BST1: variants seen among roughly 807,000 people sequenced by gnomAD.
BST1 encodes bone marrow stromal cell antigen 1.
A neutral mutation model predicts 40.6 loss-of-function variants in BST1; 49 were observed. That is an observed-to-expected ratio of 1.21 (90% CI 0.96 to 1.53). BST1 has a LOEUF of 1.53. BST1 is among the 40% of genes most tolerant of loss of function. BST1 has a pLI of 0.00. For synonymous variants in BST1, 157 were observed against 159.3 expected (o/e 0.99, Z 0.11); for missense variants, 423 against 395.9 (o/e 1.07, Z -0.58).
At chr4:15,758,354 C>T in the BST1 span, among the ~76,000 whole-genome samples, 1 of 152,166 alleles carries the variant, frequency 6.6e-6, no homozygotes, top group African/African-American at 2.4e-5. Context: ...TGTCCATGTG[C>T]ACTCAATATT....
chr4:15,721,918 T>C (rs1720830772), intron 7 of BST1, among the ~76,000 whole-genome samples: 1 of 152,190 alleles, frequency 6.6e-6, no homozygotes, highest in Admixed American at 6.5e-5. Flanking sequence ...TGTTCTTCCA[T>C]AGTCCCCTGC....
At chr4:15,761,460 G>T in the BST1 span, among the ~76,000 whole-genome samples, 1 of 151,924 alleles carries the variant, frequency 6.6e-6, no homozygotes, top group Admixed American at 6.5e-5. Context: ...TACAGGGAAC[G>T]TATTGAAGTG....
At position 15,705,175 on chromosome 4, in the gene BST1, TG is replaced by T. The variant is rs1265310445; in HGVS notation, c.189-338del. Among the ~76,000 whole-genome samples the T allele has an allele frequency of 3.3e-5, 5 of 152,028 alleles. No individual in the cohort carries two copies. In the East Asian group the frequency reaches 7.8e-4, roughly 24 times the overall value. On this transcript the variant is annotated intron_variant, in intron 1 of 8. Coordinates refer to ENST00000265016, the MANE Select transcript of BST1 (RefSeq NM_004334.3). ...CCACACTGGAACTGGACTATGAGAC[TG>T]GCCCCACCGTTAGGTCTAAATGAAG...
Position 15,731,977 on chromosome 4 carries a change from A to G in BST1, c.*132A>G. 3.6e-6 allele frequency: 5 copies of G among 1,398,316 alleles called. No homozygotes were observed. In the South Asian group the frequency reaches 6.9e-5, roughly 19 times the overall value. The allele number at this position is 1,398,316 out of a possible 1,614,324, so 86.6% of individuals were successfully genotyped here. A position where few individuals can be genotyped will look rare whatever the true frequency, so the allele number is the denominator to read the frequency against. On this transcript the variant is annotated 3_prime_UTR_variant, in exon 9 of 9. Coordinates refer to ENST00000265016, the MANE Select transcript of BST1 (RefSeq NM_004334.3). ...TTGCTGGGAAAACGATGTCCTGAAA[A>G]TGGTATTTCAATGAGGCATATGTTC... is the stretch of plus-strand genomic sequence containing the variant.
the BST1 span, chr4:15,743,428 C>A: frequency 3.9e-6 from 1 of 256,796 alleles, no homozygotes; most frequent in Non-Finnish European, 7.8e-6. Context: ...TTCTTCAATC[C>A]AAGGAGGCAG....
chr4:15,760,844 A>T, the BST1 span, among the ~76,000 whole-genome samples: 1 of 148,366 alleles, frequency 6.7e-6, no homozygotes, highest in African/African-American at 2.5e-5. Context: ...GTGCACCACC[A>T]CGCCTAGCTT....
At chr4:15,709,888 C>T (rs1377826842) in intron 3 of BST1, among the ~76,000 whole-genome samples, 2 of 152,080 alleles carry the variant, frequency 1.3e-5, no homozygotes, top group African/African-American at 4.8e-5. Context: ...TGTAAATAAA[C>T]ACAGAAAAAA....
chr4:15,703,990 ATGTG>A lies in BST1; in HGVS notation c.188+670_188+673del, dbSNP rs371372027. On this transcript the variant is annotated intron_variant, in intron 1 of 8. Coordinates refer to ENST00000265016, the MANE Select transcript of BST1 (RefSeq NM_004334.3). ...GGGGTGTGTGTGTTCTGGAGGTGAG[ATGTG>A]TGTGTGTGTGTTCTAGAGGTGAGGG... Among the ~76,000 whole-genome samples the A allele has an allele frequency of 7.5e-5, 5 of 67,064 alleles. No homozygotes were observed. In the South Asian group the frequency reaches 1.6e-3, roughly 21 times the overall value. The allele number at this position is 67,064 out of a possible 152,430, so 44.0% of individuals were successfully genotyped here. A position where few individuals can be genotyped will look rare whatever the true frequency, so the allele number is the denominator to read the frequency against.
rs762652052 is a variant in BST1 at position 15,731,812 on chromosome 4, C to T, written c.924C>T (p.Leu308=). ...AAAGGGCGGGTCTTATCATTCCCCT[C>T]TTTCTGGTGCTGGCTTCCAGGACTC... ...TEQRAGLIIP[L]FLVLASRTQL is the part of the protein sequence containing the mutation. Residue 308 remains leucine (L), a synonymous_variant, in exon 9 of 9, where the codon CTC becomes CTT. Coordinates refer to ENST00000265016, the MANE Select transcript of BST1 (RefSeq NM_004334.3). 19 of 1,613,728 alleles carry T rather than the reference C, an allele frequency of 1.2e-5. No homozygotes were observed. Among genetic ancestry groups the T allele is most frequent in the Non-Finnish European group, 1.6e-5 (19 of 1,179,868 alleles).
intron 6 of BST1, among the ~76,000 whole-genome samples, chr4:15,716,703 T>G (rs1720534874): frequency 6.6e-6 from 1 of 152,226 alleles, no homozygotes; most frequent in Admixed American, 6.5e-5. Context: ...AGAAGACAAA[T>G]TATACTTATT....
At chr4:15,724,411 G>C (rs1720988851) in intron 8 of BST1, among the ~76,000 whole-genome samples, 1 of 152,254 alleles carries the variant, frequency 6.6e-6, no homozygotes, top group South Asian at 2.1e-4. Flanking sequence ...GTCAGGCTGG[G>C]TGTGGTGGCT....
At chr4:15,744,670 A>C in the BST1 span, among the ~76,000 whole-genome samples, 1 of 152,174 alleles carries the variant, frequency 6.6e-6, no homozygotes, top group Non-Finnish European at 1.5e-5. Flanking sequence ...TAAGATGGAC[A>C]CTGTAATCGT....
At chr4:15,728,449 C>CTTT (rs974237825) in intron 8 of BST1, among the ~76,000 whole-genome samples, 7 of 119,594 alleles carry the variant, frequency 5.9e-5, no homozygotes, top group African/African-American at 1.3e-4. Context: ...AATTCTTTTT[C>CTTT]TTTTTTTTTT....
At chr4:15,746,139 A>G in the BST1 span, among the ~76,000 whole-genome samples, 2 of 152,372 alleles carry the variant, frequency 1.3e-5, no homozygotes, top group South Asian at 4.1e-4. Flanking sequence ...ATTTGCTGTC[A>G]TAAAATACCA....
chr4:15,741,315 A>G (rs1721736274), downstream of BST1, among the ~76,000 whole-genome samples: 1 of 152,164 alleles, frequency 6.6e-6, no homozygotes, highest in African/African-American at 2.4e-5. Context: ...CAGGAGTAAA[A>G]CATGGCCCGA....
chr4:15,773,825 C>T, the BST1 span, among the ~76,000 whole-genome samples: 1 of 151,980 alleles, frequency 6.6e-6, no homozygotes, highest in Admixed American at 6.6e-5. Context: ...CAAAAACAAA[C>T]AAACAAAAAC....
chr4:15,772,165 A>G, the BST1 span, among the ~76,000 whole-genome samples: 1 of 152,208 alleles, frequency 6.6e-6, no homozygotes, highest in Non-Finnish European at 1.5e-5. Context: ...TCAGAAACAA[A>G]TAGCCTTTTC....
At chr4:15,745,792 C>T in the BST1 span, among the ~76,000 whole-genome samples, 3 of 152,190 alleles carry the variant, frequency 2.0e-5, no homozygotes, top group Admixed American at 2.0e-4. Flanking sequence ...TCACTATAAT[C>T]TCAGTCCCAA....
the BST1 span, among the ~76,000 whole-genome samples, chr4:15,757,381 C>T: frequency 2.6e-5 from 4 of 152,272 alleles, no homozygotes; most frequent in Non-Finnish European, 4.4e-5. Context: ...TCTCCCTGCA[C>T]GAACTGCAGT....
Sources: gnomAD v4.1 joint callset for allele counts (sites outside exome capture counted in the v4.1 genomes callset) on GRCh38, gnomAD v4.1.1 for gene constraint, MANE v1.5 for transcripts, NCBI Gene and HGNC (gene_info 2026-07-23, HGNC 2026-07-21) for gene names.